Variants in C11orf65 observed in about 807,000 individuals in gnomAD.
The protein encoded by C11orf65 is protein MFI.
Under a neutral mutation model 35.3 loss-of-function variants are expected in C11orf65, and 38 were observed. That is an observed-to-expected ratio of 1.08 (90% CI 0.83 to 1.41). The LOEUF is 1.41. C11orf65 is among the 40% of genes most tolerant of loss of function. The pLI, the probability that C11orf65 is intolerant of heterozygous loss-of-function variation, is 0.00. For missense variants in C11orf65, 370 were observed against 367.1 expected (o/e 1.01, Z -0.06); for synonymous variants, 105 against 114.4 (o/e 0.92, Z 0.53).
At chr11:108,368,263 T>C (rs2091434481) in intron 2 of C11orf65, 1 of 208,216 alleles carries the variant, frequency 4.8e-6, no homozygotes, top group African/African-American at 2.3e-5. Context: ...TATTCCAGCC[T>C]TGGCGACAGA....
chr11:108,347,273 C>A, intron 2 of C11orf65: 1 of 1,594,020 alleles, frequency 6.3e-7, no homozygotes, highest in Non-Finnish European at 8.6e-7. Context: ...TTTCTTTTTT[C>A]TCCAGTTGGT....
intron 6 of C11orf65, among the ~76,000 whole-genome samples, chr11:108,313,356 TC>T (rs2084335144): frequency 6.6e-6 from 1 of 152,180 alleles, no homozygotes. Flanking sequence ...CCCTCTCTCT[TC>T]CTTCCTCTCA....
In C11orf65 at chr11:108,426,116, C is replaced by T. The variant is rs552968564; in HGVS notation, c.174+5630G>A. On this transcript the variant is annotated intron_variant, in intron 3 of 8. Transcript: ENST00000393084. The stretch of plus-strand genomic sequence containing the variant: ...ACAAGGATGCCCTCTCTTACCACTC[C>T]TTTTCAACATAGTATTGGAAGTTCT... Among the ~76,000 whole-genome samples, 13 of 152,244 alleles carry T rather than the reference C, an allele frequency of 8.5e-5. No individual in the cohort carries two copies. The East Asian group carries it at 2.5e-3, about 29-fold the overall frequency.
intron 3 of C11orf65, among the ~76,000 whole-genome samples, chr11:108,411,718 TCA>T (rs1357618934): frequency 6.6e-6 from 1 of 152,124 alleles, no homozygotes; most frequent in Non-Finnish European, 1.5e-5. Flanking sequence ...TCTTTATATC[TCA>T]CAAAACTTTA....
chr11:108,327,665 T>TA (rs587781299), downstream of C11orf65: 26 of 1,613,838 alleles, frequency 1.6e-5, no homozygotes, highest in Non-Finnish European at 2.2e-5. Context: ...GCCTAAAACT[T>TA]ACATACACAG....
upstream of C11orf65, among the ~76,000 whole-genome samples, chr11:108,469,177 T>C (rs543817147): frequency 4.6e-5 from 7 of 151,172 alleles, no homozygotes; most frequent in African/African-American, 1.7e-4. Context: ...GATAGCGCCA[T>C]TGCACTTCAG....
In C11orf65 at chr11:108,406,915, T is replaced by C. The variant is rs2092551500; in HGVS notation, c.277A>G (p.Ile93Val). Residue 93 changes from isoleucine to valine, a missense_variant, in exon 5 of 9, where the codon ATT becomes GTT. By Grantham distance (29) the Ile-to-Val change is conservative. Transcript: ENST00000393084. ...IYYKIFTHRP[I>V]EDLCANSPRN... is the part of the protein sequence containing the mutation. Reference sequence around the variant, plus strand: ...GGGCTGTTAGCACAGAGATCTTCAATAGGTCTGTGAGTAAAAATCTTATAG... The same window carrying C: ...GGGCTGTTAGCACAGAGATCTTCAACAGGTCTGTGAGTAAAAATCTTATAG... 1.9e-6 allele frequency: 3 copies of C among 1,612,476 alleles called. No homozygotes were observed. The highest frequency in any genetic ancestry group is 2.5e-6 in the Non-Finnish European group (3 of 1,178,770).
intron 2 of C11orf65, among the ~76,000 whole-genome samples, chr11:108,353,273 C>G (rs567594979): frequency 7.2e-5 from 11 of 152,076 alleles, no homozygotes; most frequent in African/African-American, 2.4e-4. Context: ...CTCAGCCTCC[C>G]GAGTAACTGG....
At chr11:108,441,082 C>T (rs957769252) in intron 2 of C11orf65, among the ~76,000 whole-genome samples, 5 of 152,118 alleles carry the variant, frequency 3.3e-5, no homozygotes, top group African/African-American at 7.2e-5. Flanking sequence ...CAAGGGAAGC[C>T]GTGACAGATG....
intron 2 of C11orf65, among the ~76,000 whole-genome samples, chr11:108,361,602 A>G (rs1163673290): frequency 2.0e-5 from 3 of 151,888 alleles, no homozygotes; most frequent in Non-Finnish European, 2.9e-5. Flanking sequence ...AAACAGAGAT[A>G]TAGATCAATG....
rs1064795204 is a variant in C11orf65 at position 108,331,983 on chromosome 11, CAGA to C, written c.300-419_300-417del. 6.2e-7 allele frequency: 1 copy of C among 1,613,982 alleles called. No homozygotes were observed. The highest frequency in any genetic ancestry group is 2.2e-5 in the East Asian group (1 of 44,850). On this transcript the variant is annotated intron_variant, in intron 3 of 3. Transcript: ENST00000524755. ...AATTTCTGACTAAACCAGAGGTAGC[CAGA>C]AGAAGCAGAATAACTAAAAATGTGC... is the stretch of plus-strand genomic sequence containing the variant.
chr11:108,354,993 G>C, intron 2 of C11orf65: 4 of 889,232 alleles, frequency 4.5e-6, no homozygotes, highest in Non-Finnish European at 5.5e-6. Context: ...GATGTGGCTG[G>C]GCAGCAGAAA....
At chr11:108,375,367 T>C (rs892398229) in intron 2 of C11orf65, among the ~76,000 whole-genome samples, 3 of 151,568 alleles carry the variant, frequency 2.0e-5, no homozygotes, top group South Asian at 2.1e-4. Flanking sequence ...AACCCAGAAT[T>C]TCATATCCAG....
chr11:108,311,386 T>C (rs2084143658), intron 6 of C11orf65, among the ~76,000 whole-genome samples: 1 of 152,152 alleles, frequency 6.6e-6, no homozygotes. Context: ...AGTATAACTG[T>C]TCCTAGTTTA....
chr11:108,451,115 T>C (rs2093342108), intron 2 of C11orf65, among the ~76,000 whole-genome samples: 1 of 151,982 alleles, frequency 6.6e-6, no homozygotes, highest in South Asian at 2.1e-4. Context: ...GGATGCCCTC[T>C]CTCACCACTC....
intron 2 of C11orf65, among the ~76,000 whole-genome samples, chr11:108,359,561 G>A (rs1773419418): frequency 1.3e-5 from 2 of 151,970 alleles, no homozygotes; most frequent in South Asian, 4.2e-4. Context: ...GCTCTCCTCA[G>A]CAAATGTAAA....
At position 108,431,799 on chromosome 11, in the gene C11orf65, A is replaced by T; in HGVS notation, c.121T>A (p.Leu41Ile). 6.5e-7 allele frequency: 1 copy of T among 1,529,550 alleles called. No individual in the cohort carries two copies. The highest frequency in any genetic ancestry group is 8.9e-7 in the Non-Finnish European group (1 of 1,124,378). 94.7% of individuals were successfully genotyped at this position (1,529,550 alleles called of 1,614,324 possible). ...IFQHFKSLID[L>I]RRQGEPRQIV... ...TGACGTGGTTCTCCTTGTCTTCTTA[A>T]ATCAATCAGACTTTTAAAGTGTTGA... The change falls in exon 3 of 9, where the codon TTA becomes ATA. Residue 41 changes from leucine (L) to isoleucine (I), a missense_variant. Leu to Ile is a conservative substitution (Grantham distance 5). Coordinates refer to ENST00000393084, the MANE Select transcript of C11orf65 (RefSeq NM_152587.5).
intron 2 of C11orf65, among the ~76,000 whole-genome samples, chr11:108,369,477 T>G (rs532607763): frequency 2.0e-5 from 3 of 152,358 alleles, no homozygotes; most frequent in South Asian, 2.1e-4. Context: ...TTTACCTGTT[T>G]ATCATATTTT....
downstream of C11orf65, among the ~76,000 whole-genome samples, chr11:108,378,251 C>T (rs1306662182): frequency 1.3e-5 from 2 of 149,900 alleles, no homozygotes; most frequent in Non-Finnish European, 3.0e-5. Flanking sequence ...CTACAGTAAC[C>T]AAAACAGCAT....
Sources: gnomAD v4.1 joint callset for allele counts (sites outside exome capture counted in the v4.1 genomes callset) on GRCh38, gnomAD v4.1.1 for gene constraint, MANE v1.5 for transcripts, NCBI Gene and HGNC (gene_info 2026-07-23, HGNC 2026-07-21) for gene names.